URB1: variants seen among roughly 807,000 people sequenced by gnomAD.
URB1 encodes nucleolar pre-ribosomal-associated protein 1.
In URB1, 197 loss-of-function variants were observed where a neutral mutation model predicts 242.3. That is an observed-to-expected ratio of 0.81 (90% confidence interval 0.72 to 0.91). The LOEUF is 0.91. Among genes scored for constraint, URB1 ranks in the 40% least tolerant of loss-of-function variants. The pLI is 0.00. For synonymous variants in URB1, 1,153 were observed against 1,201.8 expected, an observed-to-expected ratio of 0.96 and a Z score of 0.84; for missense variants, 2,721 against 2,860.5, an observed-to-expected ratio of 0.95 and a Z score of 1.11.
chr21:32,354,722 C>T, intron 17 of URB1, 137 bp downstream of exon 17: 3 of 1,141,044 alleles, frequency 2.6e-6, no homozygotes, highest in Non-Finnish European at 3.6e-6. Context: ...ATTTCCAGAA[C>T]AGGCTGGTCT....
chr21:32,337,615 C>G (rs2032976594), intron 26 of URB1, 101 bp from the exon 27 acceptor site: 1 of 922,282 alleles, frequency 1.1e-6, no homozygotes. Flanking sequence ...TGCTGGAAAT[C>G]TCCTCCTCTG....
chr21:32,319,954 C>T (rs1338061375), intron 35 of URB1, among the ~76,000 whole-genome samples: 1 of 152,210 alleles, frequency 6.6e-6, no homozygotes, highest in Non-Finnish European at 1.5e-5. Context: ...GCCCTCCCGC[C>T]AAGTGCTGTC....
intron 10 of URB1, 125 bp downstream of exon 10, chr21:32,366,493 C>A: frequency 7.4e-7 from 1 of 1,349,926 alleles, no homozygotes; most frequent in Non-Finnish European, 1.0e-6. Flanking sequence ...GTCCTGGAAG[C>A]CTCCGAGGCC....
chr21:32,345,717 C>A (rs560833244), intron 22 of URB1, 142 bp from the exon 23 acceptor site: 71 of 809,490 alleles, frequency 8.8e-5, no homozygotes, highest in Middle Eastern at 7.6e-4. Flanking sequence ...AAATTGGTCA[C>A]GGCAGGAGTA....
Position 32,314,620 on chromosome 21 carries a change from G to C in URB1, c.*298C>G. 1 of 1,614,218 alleles carries C rather than the reference G, an allele frequency of 6.2e-7. No homozygotes were observed. Among genetic ancestry groups the C allele is most frequent in the Non-Finnish European group, 8.5e-7 (1 of 1,180,040 alleles). On this transcript the variant is annotated 3_prime_UTR_variant, in exon 39 of 39. Transcript: ENST00000382751. ...AAACTCGAGCTATTTCCTGTGATGAGCTCCAAGCCCCTAGAGAGGAAGGGG... is the reference window on the plus strand; with the variant it reads ...AAACTCGAGCTATTTCCTGTGATGACCTCCAAGCCCCTAGAGAGGAAGGGG...
intron 9 of URB1, among the ~76,000 whole-genome samples, chr21:32,367,654 C>T (rs1431576198): frequency 6.6e-6 from 1 of 152,234 alleles, no homozygotes; most frequent in African/African-American, 2.4e-5. Context: ...AGGTAACGCA[C>T]ATCCACTTAA....
In URB1 at chr21:32,386,610, C is replaced by T. The variant is rs545555806; in HGVS notation, c.143-926G>A. 2.4e-4 allele frequency among the ~76,000 whole-genome samples: 37 copies of T among 152,290 alleles called. No homozygotes were observed. The South Asian group carries it at 7.0e-3, about 29-fold the overall frequency. On this transcript the variant is annotated intron_variant, in intron 1 of 38. Coordinates refer to ENST00000382751, the MANE Select transcript of URB1 (RefSeq NM_014825.3). ...CCAATGTGACTCCCAGGTTTGACTA[C>T]TGAGTCTGGCAATGACTCGTCTGGA...
chr21:32,316,345 C>T, intron 38 of URB1, 121 bp downstream of exon 38: 5 of 1,407,538 alleles, frequency 3.6e-6, no homozygotes, highest in Non-Finnish European at 4.7e-6. Context: ...CCTAAACAAG[C>T]ACAATACCCA....
At chr21:32,366,516 A>C in intron 10 of URB1, 102 bp downstream of exon 10, 1 of 1,479,272 alleles carries the variant, frequency 6.8e-7, no homozygotes, top group South Asian at 1.4e-5. Context: ...CTGACAAAAC[A>C]CAATCAAACA....
intron 28 of URB1, 86 bp downstream of exon 28, chr21:32,337,008 T>G: frequency 1.4e-5 from 19 of 1,329,044 alleles, no homozygotes; most frequent in Non-Finnish European, 1.9e-5. Context: ...CAAAATGGAA[T>G]GAGAGAAAAT....
At chr21:32,326,232 G>A (rs769467176) in intron 30 of URB1, among the ~76,000 whole-genome samples, 3 of 152,224 alleles carry the variant, frequency 2.0e-5, no homozygotes, top group Non-Finnish European at 4.4e-5. Context: ...AATTATTAAT[G>A]ATTAAACTGA....
chr21:32,351,460 C>T (rs2033157657), intron 19 of URB1, among the ~76,000 whole-genome samples: 1 of 152,212 alleles, frequency 6.6e-6, no homozygotes, highest in Non-Finnish European at 1.5e-5. Context: ...TTATTTACTC[C>T]ACGTGGCTTA....
intron 32 of URB1, among the ~76,000 whole-genome samples, chr21:32,323,142 G>A (rs1281439144): frequency 1.3e-5 from 2 of 152,118 alleles, no homozygotes; most frequent in Non-Finnish European, 2.9e-5. Context: ...CATGAGCACC[G>A]GTGTGGGACA....
In URB1 at chr21:32,316,848, G is replaced by T; in HGVS notation, c.6252C>A (p.Ser2084Arg). 1 of 1,549,328 alleles carries T rather than the reference G, an allele frequency of 6.5e-7. No homozygotes were observed. ...DPTQEPVDSA[S>R]PESDAPGPVY... Reference sequence around the variant, plus strand: ...CGGGGCCTGGCGCATCGCTCTCGGGGCTGGCTGAGTCCACAGGCTCCTGAG... The same window carrying T: ...CGGGGCCTGGCGCATCGCTCTCGGGTCTGGCTGAGTCCACAGGCTCCTGAG... The change falls in exon 38 of 39, where the codon AGC becomes AGA. Residue 2084 changes from serine to arginine, a missense_variant. Physicochemically the swap from Ser to Arg is moderately radical, Grantham distance 110 (BLOSUM62 -1). Transcript: ENST00000382751.
chr21:32,392,385 G>C (rs2033649415), intron 1 of URB1, among the ~76,000 whole-genome samples: 1 of 152,160 alleles, frequency 6.6e-6, no homozygotes, highest in African/African-American at 2.4e-5. Flanking sequence ...GGTGCTGACG[G>C]CCCAAGGAGT....
chr21:32,372,741 T>G, intron 7 of URB1, 110 bp from the exon 8 acceptor site: 1 of 1,207,068 alleles, frequency 8.3e-7, no homozygotes, highest in Non-Finnish European at 1.1e-6. Context: ...TTAGAAAACA[T>G]TTTAAATACT....
At chr21:32,377,293 G>C (rs926583592) in intron 5 of URB1, 1 of 512,522 alleles carries the variant, frequency 2.0e-6, no homozygotes, top group African/African-American at 1.9e-5. Context: ...GGTCCAGGGG[G>C]ACGGGCCCAT....
intron 28 of URB1, among the ~76,000 whole-genome samples, chr21:32,334,735 C>T (rs751058417): frequency 1.6e-4 from 25 of 152,158 alleles, no homozygotes; most frequent in Non-Finnish European, 3.4e-4. Context: ...TGGTATGTTG[C>T]AGGGCTGGGA....
At chr21:32,391,939 G>A (rs564249111) in intron 1 of URB1, among the ~76,000 whole-genome samples, 9 of 151,998 alleles carry the variant, frequency 5.9e-5, no homozygotes, top group African/African-American at 2.2e-4. Context: ...TGGGAGGACA[G>A]CTTAAGCCCA....
Sources: allele counts gnomAD v4.1 joint callset (sites outside exome capture counted in the v4.1 genomes callset), GRCh38; gene constraint gnomAD v4.1.1; transcripts MANE v1.5; gene names NCBI Gene and HGNC (gene_info 2026-07-23, HGNC 2026-07-21).